Variants in ATP2B2 observed in about 807,000 individuals in gnomAD.
ATP2B2 encodes the protein plasma membrane calcium-transporting ATPase 2.
A neutral mutation model predicts 120.0 loss-of-function variants in ATP2B2; 15 were observed. The observed-to-expected ratio is 0.12, with a 90% CI of 0.08 to 0.19. ATP2B2 has a LOEUF of 0.19. Ranked by LOEUF, ATP2B2 falls within the 10% of genes least tolerant of loss-of-function variation. The pLI is 1.00. For missense variants in ATP2B2, 1,045 were observed against 1,719.8 expected, an observed-to-expected ratio of 0.61 and a Z score of 6.94; for synonymous variants, 694 against 700.3, an observed-to-expected ratio of 0.99 and a Z score of 0.14.
chr3:10,363,019 C>T (rs1202851678), intron 12 of ATP2B2, among the ~76,000 whole-genome samples: 1 of 152,156 alleles, frequency 6.6e-6, no homozygotes, highest in Non-Finnish European at 1.5e-5. Context: ...AATAAAAATG[C>T]CTAATTACTT....
At chr3:10,383,084 A>T (rs1417260050) in intron 8 of ATP2B2, among the ~76,000 whole-genome samples, 1 of 149,500 alleles carries the variant, frequency 6.7e-6, no homozygotes, top group Non-Finnish European at 1.5e-5. Flanking sequence ...TTTTTATTTT[A>T]TTATTATTAT....
intron 3 of ATP2B2, among the ~76,000 whole-genome samples, chr3:10,517,029 G>A (rs1157710644): frequency 6.6e-6 from 1 of 152,182 alleles, no homozygotes; most frequent in Non-Finnish European, 1.5e-5. Context: ...GCCAGCTCCT[G>A]TACAGGTTTT....
rs1324369555 is a variant in ATP2B2, at chr3:10,385,294, T to C, written c.974A>G (p.Asp325Gly). Residue 325 changes from aspartate to glycine, a missense_variant, in exon 8 of 23, where the codon GAT becomes GGT. Asp to Gly is a moderately conservative substitution (Grantham distance 94). Coordinates refer to ENST00000360273, the MANE Select transcript of ATP2B2 (RefSeq NM_001001331.4). ...ADGAAASNAADSANASLVNGK... is the reference protein window; with the variant it reads ...ADGAAASNAAGSANASLVNGK... ...ATTGACTAGGCTGGCATTCGCACTATCTGCAGCATTTGAAGCTGCCGCACC... is the reference window on the plus strand; with the variant it reads ...ATTGACTAGGCTGGCATTCGCACTACCTGCAGCATTTGAAGCTGCCGCACC... The C allele has an allele frequency of 6.8e-6, 11 of 1,613,996 alleles. No homozygotes were observed. Among genetic ancestry groups the C allele is most frequent in the Non-Finnish European group, 9.3e-6 (11 of 1,179,996 alleles).
At chr3:10,573,577 C>G (rs1291338042) in intron 2 of ATP2B2, among the ~76,000 whole-genome samples, 1 of 152,196 alleles carries the variant, frequency 6.6e-6, no homozygotes, top group Non-Finnish European at 1.5e-5. Context: ...GTGTCCCCAT[C>G]CAGGTTTTGA....
chr3:10,655,779 C>G (rs543003367), intron 1 of ATP2B2, among the ~76,000 whole-genome samples: 28 of 152,292 alleles, frequency 1.8e-4, no homozygotes, highest in African/African-American at 1.2e-4. Flanking sequence ...TTGAAGCAGG[C>G]TGACTCAAAA....
chr3:10,631,717 C>G (rs1339872617), intron 1 of ATP2B2, among the ~76,000 whole-genome samples: 1 of 152,202 alleles, frequency 6.6e-6, no homozygotes, highest in Non-Finnish European at 1.5e-5. Flanking sequence ...GGCTCCTCCT[C>G]CCTTAGAAAG....
intron 1 of ATP2B2, among the ~76,000 whole-genome samples, chr3:10,477,802 C>A (rs943306625): frequency 3.3e-5 from 5 of 152,212 alleles, no homozygotes; most frequent in Non-Finnish European, 5.9e-5. Context: ...TTCATGGACA[C>A]TTCGATTGTT....
intron 1 of ATP2B2, among the ~76,000 whole-genome samples, chr3:10,662,805 C>G (rs142944281): frequency 6.6e-6 from 1 of 151,842 alleles, no homozygotes; most frequent in Non-Finnish European, 1.5e-5. Flanking sequence ...ATGTTTATTG[C>G]GGCACTATTC....
chr3:10,701,662 A>C (rs1170470454), intron 1 of ATP2B2, among the ~76,000 whole-genome samples: 2 of 151,168 alleles, frequency 1.3e-5, no homozygotes, highest in African/African-American at 4.9e-5. Context: ...TTTGTTTGCA[A>C]CTTAGGTTTG....
chr3:10,675,880 C>T (rs899941988), intron 1 of ATP2B2, among the ~76,000 whole-genome samples: 1 of 152,186 alleles, frequency 6.6e-6, no homozygotes, highest in Admixed American at 6.5e-5. Flanking sequence ...TATTCATCTT[C>T]CAGGCCTCAG....
intron 12 of ATP2B2, among the ~76,000 whole-genome samples, chr3:10,360,355 A>T (rs2060863041): frequency 6.6e-6 from 1 of 152,216 alleles, no homozygotes; most frequent in Non-Finnish European, 1.5e-5. Context: ...AAAATTATGA[A>T]TTATTTCAAA....
intron 12 of ATP2B2, among the ~76,000 whole-genome samples, chr3:10,362,334 T>C (rs1025639446): frequency 6.6e-6 from 1 of 152,178 alleles, no homozygotes; most frequent in Non-Finnish European, 1.5e-5. Flanking sequence ...ACTGGATGTA[T>C]CCCTGGCCTA....
intron 8 of ATP2B2, among the ~76,000 whole-genome samples, chr3:10,384,853 G>A (rs1559263279): frequency 1.3e-5 from 2 of 152,244 alleles, no homozygotes; most frequent in Non-Finnish European, 2.9e-5. Context: ...GAGGACTAGA[G>A]CCTTTGCTGG....
chr3:10,440,126 A>AAG, intron 2 of ATP2B2, among the ~76,000 whole-genome samples: 1 of 150,782 alleles, frequency 6.6e-6, no homozygotes. Context: ...AAAAAAAAAA[A>AAG]AAAAGGAGTG....
At chr3:10,679,618 T>A (rs1425496734) in intron 1 of ATP2B2, among the ~76,000 whole-genome samples, 1 of 152,212 alleles carries the variant, frequency 6.6e-6, no homozygotes, top group East Asian at 1.9e-4. Context: ...CACAGGGAGA[T>A]GTGCCCAGGA....
At chr3:10,331,017 T>A (rs2059964306) in intron 22 of ATP2B2, among the ~76,000 whole-genome samples, 1 of 152,230 alleles carries the variant, frequency 6.6e-6, no homozygotes, top group South Asian at 2.1e-4. Context: ...TAGTGCTGAC[T>A]TTTCTGTTTT....
At chr3:10,367,954 T>C (rs2061114262) in intron 12 of ATP2B2, among the ~76,000 whole-genome samples, 2 of 152,206 alleles carry the variant, frequency 1.3e-5, no homozygotes, top group Admixed American at 1.3e-4. Flanking sequence ...ACACAGGTGA[T>C]GAGTGTTGGG....
intron 2 of ATP2B2, among the ~76,000 whole-genome samples, chr3:10,545,050 C>G (rs1179733557): frequency 6.6e-6 from 1 of 152,062 alleles, no homozygotes; most frequent in Admixed American, 6.6e-5. Flanking sequence ...TGCACAGCTA[C>G]GAAAATGCAT....
At chr3:10,447,171 C>G (rs1005595781) in intron 2 of ATP2B2, among the ~76,000 whole-genome samples, 2 of 152,226 alleles carry the variant, frequency 1.3e-5, no homozygotes, top group African/African-American at 4.8e-5. Context: ...CCACCTTAGG[C>G]TGGGACTTAG....
Sources: gnomAD v4.1 joint callset for allele counts (sites outside exome capture counted in the v4.1 genomes callset) on GRCh38, gnomAD v4.1.1 for gene constraint, MANE v1.5 for transcripts, NCBI Gene and HGNC (gene_info 2026-07-23, HGNC 2026-07-21) for gene names.